The following ADAM10 variants were observed in gnomAD, a reference collection of about 807,000 sequenced individuals.
ADAM10 encodes the protein ADAM metallopeptidase domain 10, also known as disintegrin and metalloproteinase domain-containing protein 10.
ADAM10 carries 17 observed loss-of-function variants against 90.1 expected under a neutral mutation model. The observed-to-expected ratio is 0.19, with a 90% confidence interval of 0.13 to 0.28. The LOEUF is 0.28. Ranked by LOEUF, ADAM10 falls within the 10% of genes least tolerant of loss-of-function variation. The probability of loss-of-function intolerance (pLI) is 1.00; values close to 1 mark genes in which losing one functional copy is unlikely to be tolerated. For missense variants in ADAM10, 610 were observed against 914.3 expected, an observed-to-expected ratio of 0.67 and a Z score of 4.29; for synonymous variants, 310 against 298.6, an observed-to-expected ratio of 1.04 and a Z score of -0.40.
intron 4 of ADAM10, among the ~76,000 whole-genome samples, chr15:58,675,947 C>A (rs1897295896): frequency 6.6e-6 from 1 of 152,148 alleles, no homozygotes; most frequent in South Asian, 2.1e-4. Flanking sequence ...AGAACATTCA[C>A]AGTGATACAA....
At position 58,679,433 on chromosome 15, in the gene ADAM10, T is replaced by C. The variant is rs910191931; in HGVS notation, c.326-151A>G. ...TTAAATCTTGAATATAAATTTACTA[T>C]GGAAATTTTCACATAAAATATATCA... On this transcript the variant is annotated intron_variant, in intron 3 of 15. Transcript: ENST00000260408. The C allele has an allele frequency of 2.0e-5, 15 of 744,216 alleles. No homozygotes were observed. In the Middle Eastern group the frequency reaches 1.5e-3, roughly 73 times the overall value. 46.1% of individuals were successfully genotyped at this position (744,216 alleles called of 1,614,324 possible). A position where few individuals can be genotyped will look rare whatever the true frequency, so the allele number is the denominator to read the frequency against.
At chr15:58,726,329 C>A (rs1229342427) in intron 1 of ADAM10, among the ~76,000 whole-genome samples, 2 of 151,902 alleles carry the variant, frequency 1.3e-5, no homozygotes, top group South Asian at 4.2e-4. Context: ...TATTGAGAGG[C>A]CAAGGCGGGT....
At chr15:58,677,100 T>C (rs971481161) in intron 4 of ADAM10, among the ~76,000 whole-genome samples, 24 of 152,204 alleles carry the variant, frequency 1.6e-4, no homozygotes, top group African/African-American at 4.6e-4. Flanking sequence ...TAGGTAGTTT[T>C]TCACAAGTAA....
chr15:58,600,427 T>C (rs1752773919), intron 14 of ADAM10, among the ~76,000 whole-genome samples: 3 of 152,208 alleles, frequency 2.0e-5, no homozygotes, highest in Admixed American at 2.0e-4. Context: ...TTTTATTTCA[T>C]TTGGAATTTG....
intron 14 of ADAM10, among the ~76,000 whole-genome samples, chr15:58,608,404 A>C (rs1273328627): frequency 1.3e-5 from 2 of 152,224 alleles, no homozygotes; most frequent in Non-Finnish European, 2.9e-5. Context: ...TAAACTATGC[A>C]CATAAGCAAA....
chr15:58,653,847 T>G (rs1265901858), intron 5 of ADAM10, among the ~76,000 whole-genome samples: 1 of 152,198 alleles, frequency 6.6e-6, no homozygotes, highest in Non-Finnish European at 1.5e-5. Context: ...GTCCCAGACT[T>G]TTCTTTACTG....
intron 4 of ADAM10, among the ~76,000 whole-genome samples, chr15:58,671,533 T>C (rs1218069690): frequency 6.6e-6 from 1 of 152,120 alleles, no homozygotes; most frequent in Non-Finnish European, 1.5e-5. Context: ...GCACACATAC[T>C]CCTAAATGCT....
At chr15:58,687,907 G>A (rs1218356706) in intron 2 of ADAM10, among the ~76,000 whole-genome samples, 1 of 152,142 alleles carries the variant, frequency 6.6e-6, no homozygotes, top group Non-Finnish European at 1.5e-5. Context: ...ATGGGGGAGG[G>A]GATGAATGTG....
At chr15:58,670,233 A>T (rs1393232626) in intron 4 of ADAM10, among the ~76,000 whole-genome samples, 5 of 151,996 alleles carry the variant, frequency 3.3e-5, no homozygotes, top group Non-Finnish European at 7.4e-5. Flanking sequence ...TTTGTGAAGT[A>T]ATTGGGGAAG....
intron 2 of ADAM10, chr15:58,692,797 T>A (rs763053087): frequency 7.9e-6 from 5 of 629,242 alleles, no homozygotes; most frequent in South Asian, 5.5e-5. Flanking sequence ...GTAGGCAGAA[T>A]AAAAGCCAAC....
In ADAM10 at chr15:58,611,131, T is replaced by C. The variant is rs201377370; in HGVS notation, c.1696-24A>G. On this transcript the variant is annotated intron_variant, in intron 12 of 15. Transcript: ENST00000260408. ...TGCTAGAAGAAAAATAAAAGACAAA[T>C]TGTTTAATCCCTATACAGTCAAACC... 252 of 1,556,886 alleles carry C rather than the reference T, an allele frequency of 1.6e-4. 2 individuals are homozygous for C. The African/African-American group carries it at 1.8e-3, about 11-fold the overall frequency.
chr15:58,662,413 G>A (rs1185303634), intron 5 of ADAM10, among the ~76,000 whole-genome samples: 2 of 152,142 alleles, frequency 1.3e-5, no homozygotes, highest in African/African-American at 4.8e-5. Context: ...GATCACAGCA[G>A]CCTCAACCAC....
intron 2 of ADAM10, among the ~76,000 whole-genome samples, chr15:58,686,151 G>T (rs1469349687): frequency 6.6e-6 from 1 of 152,172 alleles, no homozygotes; most frequent in East Asian, 1.9e-4. Context: ...GATGCATAAA[G>T]AGAGACTCCA....
chr15:58,666,680 A>G (rs1897089623), intron 4 of ADAM10, among the ~76,000 whole-genome samples: 3 of 152,152 alleles, frequency 2.0e-5, no homozygotes, highest in African/African-American at 7.2e-5. Flanking sequence ...ACAAAAAAAA[A>G]CATTTATTTA....
intron 1 of ADAM10, among the ~76,000 whole-genome samples, chr15:58,731,927 C>T (rs1350739291): frequency 6.6e-6 from 1 of 152,182 alleles, no homozygotes; most frequent in Admixed American, 6.5e-5. Context: ...GGGGTGGAGA[C>T]TTCTGGTTCA....
At chr15:58,672,936 G>A (rs1458449063) in intron 4 of ADAM10, 1 of 204,142 alleles carries the variant, frequency 4.9e-6, no homozygotes, top group Non-Finnish European at 1.1e-5. Flanking sequence ...TGAATAAGTT[G>A]GTTCTAGTGC....
chr15:58,600,286 G>A (rs1242492265), intron 14 of ADAM10, among the ~76,000 whole-genome samples: 1 of 152,028 alleles, frequency 6.6e-6, no homozygotes, highest in Admixed American at 6.5e-5. Flanking sequence ...ACTTTCCATG[G>A]CTTAGAAAGC....
intron 1 of ADAM10, among the ~76,000 whole-genome samples, chr15:58,723,594 A>G (rs1167318582): frequency 1.3e-5 from 2 of 152,090 alleles, no homozygotes; most frequent in Non-Finnish European, 2.9e-5. Context: ...AATCCCAGCT[A>G]CTTGGGAGAC....
rs1566982234 is a variant in ADAM10, at chr15:58,655,695, A to AGTGTGT, written c.585+9401_585+9402insACACAC. ...ATACATACATATATATATTATATAT[A>AGTGTGT]GTATATATATATATAGTATATATAT... On this transcript the variant is annotated intron_variant, in intron 5 of 15. Transcript: ENST00000260408. Among the ~76,000 whole-genome samples, 7 of 68,568 alleles carry AGTGTGT rather than the reference A, an allele frequency of 1.0e-4. No homozygotes were observed. In the South Asian group the frequency reaches 1.8e-3, roughly 17 times the overall value. 45.0% of individuals were successfully genotyped at this position (68,568 alleles called of 152,430 possible). A position where few individuals can be genotyped will look rare whatever the true frequency, so the allele number is the denominator to read the frequency against.
Sources: gnomAD v4.1 joint callset for allele counts (sites outside exome capture counted in the v4.1 genomes callset) on GRCh38, gnomAD v4.1.1 for gene constraint, MANE v1.5 for transcripts, NCBI Gene and HGNC (gene_info 2026-07-23, HGNC 2026-07-21) for gene names.